The following TNFRSF10B variants were observed in gnomAD, a reference collection of about 807,000 sequenced individuals.
TNFRSF10B encodes the protein TNF receptor superfamily member 10b.
TNFRSF10B carries 35 observed loss-of-function variants against 41.4 expected under a neutral mutation model. The observed-to-expected ratio is 0.85, with a 90% CI of 0.65 to 1.12. The LOEUF (loss-of-function observed/expected upper bound fraction) is 1.12. TNFRSF10B is among the 50% of genes most tolerant of loss of function. The pLI is 0.00. For synonymous variants in TNFRSF10B, 230 were observed against 215.5 expected, an observed-to-expected ratio of 1.07 and a Z score of -0.59; for missense variants, 584 against 552.7, an observed-to-expected ratio of 1.06 and a Z score of -0.57.
chr8:23,060,913 C>T (rs1812813808), intron 1 of TNFRSF10B, among the ~76,000 whole-genome samples: 2 of 151,856 alleles, frequency 1.3e-5, no homozygotes, highest in African/African-American at 4.8e-5. Flanking sequence ...TTCCTAATTT[C>T]TTTTTTTGAA....
intron 1 of TNFRSF10B, among the ~76,000 whole-genome samples, chr8:23,060,692 T>C (rs1352143431): frequency 6.6e-6 from 1 of 152,244 alleles, no homozygotes; most frequent in Non-Finnish European, 1.5e-5. Context: ...CTTGGGATTT[T>C]GATAGAGATT....
intron 1 of TNFRSF10B, among the ~76,000 whole-genome samples, chr8:23,062,624 G>C (rs1449930913): frequency 6.6e-6 from 1 of 151,996 alleles, no homozygotes; most frequent in Non-Finnish European, 1.5e-5. Context: ...TCCTACATTT[G>C]TAAACTTAGC....
At chr8:23,068,482 G>C (rs138030865) in intron 1 of TNFRSF10B, 48 of 550,038 alleles carry the variant, frequency 8.7e-5, no homozygotes, top group African/African-American at 2.7e-4. Context: ...CAGCTTACTC[G>C]GGAATTCCCT....
In TNFRSF10B at chr8:23,027,128, C is replaced by A. The variant is rs201927737; in HGVS notation, c.936+5G>T. ...AGGAAACAAAATGATCTGTCCCCCA[C>A]TCACCAGCAGATGCTCTGACTCCCC... On this transcript the variant is annotated splice_donor_5th_base_variant and intron_variant, in intron 7 of 8. Coordinates refer to ENST00000276431, the MANE Select transcript of TNFRSF10B (RefSeq NM_003842.5). 6.2e-7 allele frequency: 1 copy of A among 1,613,896 alleles called. No homozygotes were observed.
chr8:23,033,585 C>CA lies in TNFRSF10B; in HGVS notation c.251-2714dup, dbSNP rs59282000. On this transcript the variant is annotated intron_variant, in intron 2 of 8. Coordinates refer to ENST00000276431, the MANE Select transcript of TNFRSF10B (RefSeq NM_003842.5). ...CCTGGGCGACAGCGAGACTCCGTCTCAAAAAAAAAAAAAAAAAAAAAAAAA... is the reference window on the plus strand; with the variant it reads ...CCTGGGCGACAGCGAGACTCCGTCTCAAAAAAAAAAAAAAAAAAAAAAAAAA... Among the ~76,000 whole-genome samples, 46 of 62,274 alleles carry CA rather than the reference C, an allele frequency of 7.4e-4. 4 individuals are homozygous for CA. Among genetic ancestry groups the CA allele is most frequent in the African/African-American group, 1.8e-3 (23 of 13,084 alleles). 40.9% of individuals were successfully genotyped at this position (62,274 alleles called of 152,430 possible).
intron 2 of TNFRSF10B, among the ~76,000 whole-genome samples, chr8:23,042,611 G>T (rs184557153): frequency 7.9e-5 from 12 of 152,288 alleles, no homozygotes; most frequent in Admixed American, 4.6e-4. Context: ...ATGTACATCC[G>T]ATGCTGGTGG....
At position 23,022,265 on chromosome 8, in the gene TNFRSF10B, C is replaced by A. The variant is rs532125576; in HGVS notation, c.*406G>T. 5 of 454,158 alleles carry A rather than the reference C, an allele frequency of 1.1e-5. No homozygotes were observed. Among genetic ancestry groups the A allele is most frequent in the Non-Finnish European group, 1.3e-5 (3 of 227,028 alleles). 28.1% of individuals were successfully genotyped at this position (454,158 alleles called of 1,614,324 possible). On this transcript the variant is annotated 3_prime_UTR_variant, in exon 9 of 9. Transcript: ENST00000276431. Reference sequence around the variant, plus strand: ...ACAGAGTGAACTGCCCCGCACCCCCCACCCAAAAAAGGTTCATATCATATA... The same window carrying A: ...ACAGAGTGAACTGCCCCGCACCCCCAACCCAAAAAAGGTTCATATCATATA...
chr8:23,038,548 C>T (rs912658385), intron 2 of TNFRSF10B, among the ~76,000 whole-genome samples: 4 of 152,132 alleles, frequency 2.6e-5, no homozygotes, highest in African/African-American at 9.7e-5. Flanking sequence ...TTATGTAACA[C>T]AAGATATTTT....
intron 2 of TNFRSF10B, among the ~76,000 whole-genome samples, chr8:23,038,504 A>G (rs1585213691): frequency 6.6e-6 from 1 of 152,354 alleles, no homozygotes; most frequent in Non-Finnish European, 1.5e-5. Flanking sequence ...TGTTAAGCGA[A>G]TATCTGTGTT....
intron 2 of TNFRSF10B, among the ~76,000 whole-genome samples, chr8:23,041,956 G>C (rs900889587): frequency 6.6e-6 from 1 of 152,080 alleles, no homozygotes; most frequent in African/African-American, 2.4e-5. Context: ...TCAAGACAGC[G>C]GCTTCAAGCA....
At position 23,029,717 on chromosome 8, in the gene TNFRSF10B, T is replaced by C; in HGVS notation, c.369A>G (p.Glu123=). 6.2e-7 allele frequency: 1 copy of C among 1,613,470 alleles called. No homozygotes were observed. Among genetic ancestry groups the C allele is most frequent in the South Asian group, 1.1e-5 (1 of 90,944 alleles). Residue 123 remains glutamate, a synonymous_variant, in exon 4 of 9, where the codon GAA becomes GAG. Coordinates refer to ENST00000276431, the MANE Select transcript of TNFRSF10B (RefSeq NM_003842.5). ...CLRCTRCDSG[E]VELSPCTTTR... ...TCGTGGTGCAGGGACTTAGCTCCACTTCACCTGACGACAGAGCATAAGGTT... is the reference window on the plus strand; with the variant it reads ...TCGTGGTGCAGGGACTTAGCTCCACCTCACCTGACGACAGAGCATAAGGTT...
At chr8:23,045,260 T>C (rs936182235) in intron 1 of TNFRSF10B, among the ~76,000 whole-genome samples, 1 of 151,748 alleles carries the variant, frequency 6.6e-6, no homozygotes, top group African/African-American at 2.4e-5. Context: ...CACATTACAA[T>C]GCATACCACA....
At chr8:23,050,807 C>G (rs1812502515) in intron 1 of TNFRSF10B, among the ~76,000 whole-genome samples, 1 of 152,132 alleles carries the variant, frequency 6.6e-6, no homozygotes, top group Non-Finnish European at 1.5e-5. Flanking sequence ...GGCGTGGTGT[C>G]TCATGCCTGT....
At position 23,068,864 on chromosome 8, in the gene TNFRSF10B, C is replaced by A; in HGVS notation, c.31G>T (p.Ala11Ser). Residue 11 changes from alanine (A) to serine (S), a missense_variant, in exon 1 of 9, where the codon GCT (alanine) becomes TCT (serine). Transcript: ENST00000276431. Reference protein sequence around the residue: MEQRGQNAPAASGARKRHGPG... With the variant: MEQRGQNAPASSGARKRHGPG... ...CCGTGCCTTTTCCGGGCCCCCGAAG[C>A]GGCCGGGGCGTTCTGTCCCCGTTGT... 1.2e-6 allele frequency: 2 copies of A among 1,613,468 alleles called. No homozygotes were observed. The highest frequency in any genetic ancestry group is 1.1e-5 in the South Asian group (1 of 91,082).
Position 23,021,613 on chromosome 8 carries a change from A to C in TNFRSF10B, c.*1058T>G. 2.2e-6 allele frequency: 1 copy of C among 454,096 alleles called. No homozygotes were observed. The highest frequency in any genetic ancestry group is 4.4e-6 in the Non-Finnish European group (1 of 226,798). 28.1% of individuals were successfully genotyped at this position (454,096 alleles called of 1,614,324 possible). On this transcript the variant is annotated 3_prime_UTR_variant, in exon 9 of 9. Coordinates refer to ENST00000276431, the MANE Select transcript of TNFRSF10B (RefSeq NM_003842.5). Reference sequence around the variant, plus strand: ...TCCATAGATGGGGGCTATGGGTGCAAATGAGACTGCCCAGGTAGGGACCAG... The same window carrying C: ...TCCATAGATGGGGGCTATGGGTGCACATGAGACTGCCCAGGTAGGGACCAG...
intron 1 of TNFRSF10B, among the ~76,000 whole-genome samples, chr8:23,067,972 G>A (rs754243673): frequency 1.8e-4 from 27 of 152,200 alleles, no homozygotes; most frequent in Admixed American, 1.3e-4. Context: ...TCCCTACAAA[G>A]CCGACTCTTT....
intron 1 of TNFRSF10B, among the ~76,000 whole-genome samples, chr8:23,051,654 C>T (rs1009094821): frequency 3.9e-5 from 6 of 151,996 alleles, no homozygotes; most frequent in Non-Finnish European, 8.8e-5. Context: ...ACGCCATTCT[C>T]CTGCCTCAGC....
chr8:23,037,814 G>A (rs149454767), intron 2 of TNFRSF10B, among the ~76,000 whole-genome samples: 5 of 152,220 alleles, frequency 3.3e-5, no homozygotes, highest in African/African-American at 9.6e-5. Context: ...CAATACATGC[G>A]GTTGCTTCTT....
rs1448437521 is a variant in TNFRSF10B, at chr8:23,020,782, A to G, written c.*1889T>C. ...TAGGAAGGCCTCTGTGGAAGGGACAAGGGACCTGGGACCGGACTGGCACCT... is the reference window on the plus strand; with the variant it reads ...TAGGAAGGCCTCTGTGGAAGGGACAGGGGACCTGGGACCGGACTGGCACCT... On this transcript the variant is annotated 3_prime_UTR_variant, in exon 9 of 9. Transcript: ENST00000276431. 2.2e-6 allele frequency: 1 copy of G among 454,148 alleles called. No homozygotes were observed. Among genetic ancestry groups the G allele is most frequent in the Non-Finnish European group, 4.4e-6 (1 of 226,790 alleles). 28.1% of individuals were successfully genotyped at this position (454,148 alleles called of 1,614,324 possible).
Sources: gnomAD v4.1 joint callset for allele counts (sites outside exome capture counted in the v4.1 genomes callset) on GRCh38, gnomAD v4.1.1 for gene constraint, MANE v1.5 for transcripts, NCBI Gene and HGNC (gene_info 2026-07-23, HGNC 2026-07-21) for gene names.